Variants in TNRC6B observed in about 807,000 individuals in gnomAD.
The protein encoded by TNRC6B is trinucleotide repeat containing adaptor 6B, also known as trinucleotide repeat-containing gene 6B protein.
TNRC6B carries 52 observed loss-of-function variants against 203.6 expected under a neutral mutation model. That is an observed-to-expected ratio of 0.26 (90% CI 0.20 to 0.32). TNRC6B has a LOEUF of 0.32. Among genes scored for constraint, TNRC6B ranks in the 10% least tolerant of loss-of-function variants. The pLI is 1.00. For synonymous variants in TNRC6B, 838 were observed against 845.7 expected (o/e 0.99, Z 0.16); for missense variants, 1,923 against 2,286.2 (o/e 0.84, Z 3.24).
intron 16 of TNRC6B, 108 bp from the exon 17 acceptor site, chr22:40,310,709 T>C (rs978563657): frequency 9.6e-6 from 11 of 1,141,320 alleles, no homozygotes; most frequent in Middle Eastern, 2.9e-4. Context: ...GCTGTTTGTA[T>C]ATACTCCATC....
chr22:40,277,909 G>T, intron 8 of TNRC6B, 90 bp from the exon 9 acceptor site: 10 of 938,608 alleles, frequency 1.1e-5, no homozygotes, highest in Non-Finnish European at 1.7e-5. Flanking sequence ...GGTGCCAGTA[G>T]TAAGACGTGG....
intron 1 of TNRC6B, among the ~76,000 whole-genome samples, chr22:40,090,750 A>C (rs1415606162): frequency 6.6e-6 from 1 of 152,128 alleles, no homozygotes; most frequent in African/African-American, 2.4e-5. Context: ...AAATCCTATA[A>C]ACAGTGACCA....
intron 1 of TNRC6B, among the ~76,000 whole-genome samples, chr22:40,219,111 C>T (rs1350983912): frequency 6.6e-6 from 1 of 152,228 alleles, no homozygotes; most frequent in African/African-American, 2.4e-5. Context: ...GACTTTGTTA[C>T]AGTCACCCAT....
intron 1 of TNRC6B, among the ~76,000 whole-genome samples, chr22:40,080,727 A>C (rs1484261820): frequency 6.6e-6 from 1 of 152,066 alleles, no homozygotes; most frequent in Non-Finnish European, 1.5e-5. Context: ...TTCAGGATCC[A>C]GCTCAGCCAC....
chr22:40,328,349 A>C lies in TNRC6B; in HGVS notation c.*5108A>C, dbSNP rs2071427482. On this transcript the variant is annotated 3_prime_UTR_variant, in exon 23 of 23. Coordinates refer to ENST00000454349, the MANE Select transcript of TNRC6B (RefSeq NM_001162501.2). ...TGACATGAATGTAGCATAAGTTAGCAATCGGTTCTTCCAAACTCCTGTGGG... is the reference window on the plus strand; with the variant it reads ...TGACATGAATGTAGCATAAGTTAGCCATCGGTTCTTCCAAACTCCTGTGGG... 1 of 152,238 alleles carries C rather than the reference A, an allele frequency of 6.6e-6. No homozygotes were observed. The highest frequency in any genetic ancestry group is 6.5e-5 in the Admixed American group (1 of 15,284). The allele number at this position is 152,238 out of a possible 1,614,324, so 9.4% of individuals were successfully genotyped here.
intron 1 of TNRC6B, among the ~76,000 whole-genome samples, chr22:40,116,425 T>G (rs1162036400): frequency 1.3e-5 from 2 of 152,194 alleles, no homozygotes; most frequent in Non-Finnish European, 2.9e-5. Flanking sequence ...AATATATATT[T>G]CAGAGAGAGA....
intron 1 of TNRC6B, among the ~76,000 whole-genome samples, chr22:40,053,866 ATT>A (rs1330868472): frequency 6.6e-6 from 1 of 152,202 alleles, no homozygotes; most frequent in African/African-American, 2.4e-5. Context: ...GTATATCTTA[ATT>A]TAAAACATTT....
rs368739400 is a variant in TNRC6B at position 40,068,781 on chromosome 22, G to A, written c.-121+23783G>A. Among the ~76,000 whole-genome samples the A allele has an allele frequency of 8.0e-5, 12 of 150,580 alleles. No homozygotes were observed. The East Asian group carries it at 1.2e-3, about 15-fold the overall frequency. ...TTTTTATTTCTACAGATGAGGTCTC[G>A]CCGTGTTGCCCAGGCTGGTCTCAAA... On this transcript the variant is annotated intron_variant, in intron 1 of 23. Transcript: ENST00000301923.
chr22:40,060,241 CAA>C (rs1385269258), intron 1 of TNRC6B, among the ~76,000 whole-genome samples: 2 of 141,590 alleles, frequency 1.4e-5, no homozygotes, highest in Non-Finnish European at 3.0e-5. Flanking sequence ...ATTTTTTTGA[CAA>C]AAAGTCTCAC....
Position 40,199,796 on chromosome 22 carries a change from T to C in TNRC6B, c.5+21656T>C, listed in dbSNP as rs995962673. On this transcript the variant is annotated intron_variant, in intron 1 of 22. Transcript: ENST00000454349. ...TAGGACTGTGGTTTGGTTTTTGTTG[T>C]TGTTGTTTTTCTTTTGAGACAGAGT... 2.0e-5 allele frequency among the ~76,000 whole-genome samples: 3 copies of C among 152,090 alleles called. No homozygotes were observed. The East Asian group carries it at 5.8e-4, about 29-fold the overall frequency.
intron 1 of TNRC6B, among the ~76,000 whole-genome samples, chr22:40,105,988 CATT>C (rs1012979120): frequency 9.9e-5 from 15 of 152,100 alleles, no homozygotes; most frequent in African/African-American, 3.6e-4. Context: ...AATGGTGTAT[CATT>C]ATGATTTTCT....
intron 21 of TNRC6B, among the ~76,000 whole-genome samples, chr22:40,316,852 C>T (rs1267205678): frequency 6.6e-6 from 1 of 152,094 alleles, no homozygotes; most frequent in Admixed American, 6.6e-5. Flanking sequence ...GTTTTATAAG[C>T]TAGTTCATAA....
At position 40,278,049 on chromosome 22, in the gene TNRC6B, G is replaced by GTA; in HGVS notation, c.3262+7_3262+8dup. ...GCAAAATGGATTTGTCTGTAGGTGTGTATCACTCCGCTGAAAAGAATGGAG... is the reference window on the plus strand; with the variant it reads ...GCAAAATGGATTTGTCTGTAGGTGTGTATATCACTCCGCTGAAAAGAATGGAG... On this transcript the variant is annotated splice_donor_region_variant and intron_variant, in intron 9 of 22. Transcript: ENST00000454349. The GTA allele has an allele frequency of 6.4e-7, 1 of 1,559,176 alleles. No individual in the cohort carries two copies. The highest frequency in any genetic ancestry group is 8.7e-7 in the Non-Finnish European group (1 of 1,149,334).
At chr22:40,094,106 T>TA (rs551435419) in intron 1 of TNRC6B, among the ~76,000 whole-genome samples, 4 of 151,952 alleles carry the variant, frequency 2.6e-5, no homozygotes, top group African/African-American at 4.8e-5. Flanking sequence ...TAATTAAAAA[T>TA]AAAAAAAATT....
chr22:40,083,681 T>C (rs2146291085), intron 1 of TNRC6B, among the ~76,000 whole-genome samples: 1 of 152,138 alleles, frequency 6.6e-6, no homozygotes, highest in East Asian at 1.9e-4. Context: ...TTGGAGTTTA[T>C]GAGTAAGAGA....
rs187686654 is a variant in TNRC6B, at chr22:40,071,607, A to G, written c.-121+26609A>G. Among the ~76,000 whole-genome samples, 503 of 152,328 alleles carry G rather than the reference A, an allele frequency of 3.3e-3. 6 individuals are homozygous for G. Among genetic ancestry groups the G allele is most frequent in the Non-Finnish European group, 9.1e-4 (62 of 68,030 alleles). On this transcript the variant is annotated intron_variant, in intron 1 of 23. Coordinates refer to the TNRC6B transcript ENST00000301923. The stretch of plus-strand genomic sequence containing the variant: ...AAAAGCAGAAGTTTTCTCTTGCCCT[A>G]CTGCGCCCCTCACTCCTCCAGCTTC...
chr22:40,224,299 C>G (rs970962224), intron 1 of TNRC6B, among the ~76,000 whole-genome samples: 1 of 152,200 alleles, frequency 6.6e-6, no homozygotes, highest in Non-Finnish European at 1.5e-5. Context: ...ACCACCATGC[C>G]TAGCCTGTCT....
upstream of TNRC6B, among the ~76,000 whole-genome samples, chr22:40,175,147 A>G (rs2069043676): frequency 6.6e-6 from 1 of 152,112 alleles, no homozygotes; most frequent in Non-Finnish European, 1.5e-5. Flanking sequence ...TCACGAGGTC[A>G]GGAGTTCGAG....
At chr22:40,144,183 A>G (rs1345670148) in intron 3 of TNRC6B, among the ~76,000 whole-genome samples, 3 of 152,230 alleles carry the variant, frequency 2.0e-5, no homozygotes, top group Admixed American at 2.0e-4. Context: ...TGTTAAACGA[A>G]CTTCCACCCT....
Sources: allele counts gnomAD v4.1 joint callset (sites outside exome capture counted in the v4.1 genomes callset), GRCh38; gene constraint gnomAD v4.1.1; transcripts MANE v1.5; gene names NCBI Gene and HGNC (gene_info 2026-07-23, HGNC 2026-07-21).